SLCO2A1: variants seen among roughly 807,000 people sequenced by gnomAD.
SLCO2A1 encodes the protein solute carrier organic anion transporter family member 2A1, also known as matrin F/G 1.
A neutral mutation model predicts 71.7 loss-of-function variants in SLCO2A1; 60 were observed. The ratio of observed to expected loss-of-function variants is 0.84; its 90% CI spans 0.68 to 1.04. The LOEUF is 1.04. Among genes scored for constraint, SLCO2A1 ranks in the 50% least tolerant of loss-of-function variants. SLCO2A1 has a pLI of 0.00. For synonymous variants in SLCO2A1, 308 were observed against 326.7 expected (o/e 0.94, Z 0.62); for missense variants, 745 against 813.4 (o/e 0.92, Z 1.02).
chr3:133,993,741 C>T (rs1934903332), intron 1 of SLCO2A1, among the ~76,000 whole-genome samples: 1 of 152,170 alleles, frequency 6.6e-6, no homozygotes, highest in Non-Finnish European at 1.5e-5. Flanking sequence ...ACCTGCTTTG[C>T]ATCCATTTAT....
At chr3:134,027,293 C>G (rs1041308664) in intron 1 of SLCO2A1, among the ~76,000 whole-genome samples, 1 of 152,202 alleles carries the variant, frequency 6.6e-6, no homozygotes, top group African/African-American at 2.4e-5. Context: ...CAGCCCGGAG[C>G]CGCACCCTAG....
intron 1 of SLCO2A1, among the ~76,000 whole-genome samples, chr3:133,986,394 A>C (rs978959802): frequency 6.6e-6 from 1 of 152,220 alleles, no homozygotes; most frequent in Non-Finnish European, 1.5e-5. Context: ...TAATCTAAAC[A>C]TCTAGGTTGA....
chr3:134,001,852 G>A (rs1935109263), intron 1 of SLCO2A1, among the ~76,000 whole-genome samples: 1 of 152,136 alleles, frequency 6.6e-6, no homozygotes, highest in South Asian at 2.1e-4. Flanking sequence ...GTGTTTAGAT[G>A]ACAGCAACAA....
At chr3:134,012,329 C>A (rs1450331777) in intron 1 of SLCO2A1, among the ~76,000 whole-genome samples, 1 of 152,138 alleles carries the variant, frequency 6.6e-6, no homozygotes, top group Non-Finnish European at 1.5e-5. Flanking sequence ...AAGCTTCACT[C>A]TGGGGAACAC....
chr3:133,945,116 G>C lies in SLCO2A1; in HGVS notation c.1440C>G (p.Ser480Arg). The change falls in exon 10 of 14, where the codon AGC (serine) becomes AGG (arginine). Residue 480 changes from serine to arginine, a missense_variant. By Grantham distance (110) the Ser-to-Arg change is moderately radical (BLOSUM62 -1). Transcript: ENST00000310926. ...CHAGCSNINM[S>R]SATSKQLIYL... The stretch of plus-strand genomic sequence containing the variant: ...TTACCAGTTGCTTGGAGGTTGCAGA[G>C]CTCATGTTGATGTTGCTGCAGCCGG... 1 of 1,613,728 alleles carries C rather than the reference G, an allele frequency of 6.2e-7. No individual in the cohort carries two copies. Among genetic ancestry groups the C allele is most frequent in the South Asian group, 1.1e-5 (1 of 91,016 alleles).
chr3:133,939,288 T>C (rs902969150), intron 11 of SLCO2A1, among the ~76,000 whole-genome samples: 18 of 152,094 alleles, frequency 1.2e-4, no homozygotes, highest in African/African-American at 4.3e-4. Context: ...GGCCCTGCCA[T>C]CCCAGCTGGG....
chr3:134,013,267 T>G (rs1489660863), intron 1 of SLCO2A1, among the ~76,000 whole-genome samples: 1 of 152,170 alleles, frequency 6.6e-6, no homozygotes, highest in Non-Finnish European at 1.5e-5. Context: ...TAAATCAAAG[T>G]TACAGGAGGA....
chr3:134,001,622 A>G (rs1211727210), intron 1 of SLCO2A1, among the ~76,000 whole-genome samples: 1 of 152,128 alleles, frequency 6.6e-6, no homozygotes, highest in Non-Finnish European at 1.5e-5. Flanking sequence ...AAAGAGGGTG[A>G]GAAACATCTG....
chr3:133,966,456 C>T lies in SLCO2A1; in HGVS notation c.397+7207G>A, dbSNP rs553536420. On this transcript the variant is annotated intron_variant, in intron 3 of 13. Coordinates refer to ENST00000310926, the MANE Select transcript of SLCO2A1 (RefSeq NM_005630.3). ...GACGATGAGAGGGGAGTATGGAGTC[C>T]CCTGCTCACACCTCTCCGCACTGCA... Among the ~76,000 whole-genome samples the T allele has an allele frequency of 2.0e-5, 3 of 152,198 alleles. No individual in the cohort carries two copies. The South Asian group carries it at 6.2e-4, about 32-fold the overall frequency.
intron 3 of SLCO2A1, among the ~76,000 whole-genome samples, chr3:133,963,903 C>G (rs889217363): frequency 6.6e-6 from 1 of 152,232 alleles, no homozygotes; most frequent in Non-Finnish European, 1.5e-5. Context: ...TTGGAACAGA[C>G]TGTCCCAAAC....
intron 1 of SLCO2A1, among the ~76,000 whole-genome samples, chr3:133,983,642 C>T (rs1254461254): frequency 6.6e-6 from 1 of 152,184 alleles, no homozygotes; most frequent in African/African-American, 2.4e-5. Flanking sequence ...GATAACTTCC[C>T]CTGCCCTTCA....
chr3:133,988,848 T>G (rs1934772910), intron 1 of SLCO2A1, among the ~76,000 whole-genome samples: 2 of 151,950 alleles, frequency 1.3e-5, no homozygotes, highest in African/African-American at 2.4e-5. Context: ...GAGAACAGAG[T>G]CTGGAGACAA....
intron 1 of SLCO2A1, among the ~76,000 whole-genome samples, chr3:133,986,495 C>G (rs1235349178): frequency 2.6e-5 from 4 of 152,146 alleles, no homozygotes. Context: ...AGAGGACGAG[C>G]AACATTCTTG....
intron 1 of SLCO2A1, among the ~76,000 whole-genome samples, chr3:133,996,967 C>T (rs376342107): frequency 4.6e-5 from 7 of 152,242 alleles, no homozygotes; most frequent in Middle Eastern, 3.4e-3. Context: ...AGAGAAAGTC[C>T]TCCCTAAGTG....
intron 1 of SLCO2A1, among the ~76,000 whole-genome samples, chr3:133,982,615 T>A (rs1469757705): frequency 6.6e-6 from 1 of 152,090 alleles, no homozygotes; most frequent in East Asian, 1.9e-4. Context: ...ATGTCCCTCC[T>A]CCTCACCCTC....
intron 6 of SLCO2A1, 81 bp from the exon 7 acceptor site, chr3:133,949,052 T>C: frequency 8.1e-7 from 1 of 1,234,878 alleles, no homozygotes; most frequent in South Asian, 1.2e-5. Flanking sequence ...GTCTCTGGCC[T>C]CAGAAGCTCA....
intron 1 of SLCO2A1, among the ~76,000 whole-genome samples, chr3:134,004,966 G>A (rs1332126941): frequency 6.6e-6 from 1 of 152,222 alleles, no homozygotes; most frequent in East Asian, 1.9e-4. Flanking sequence ...CAAATTGGGG[G>A]CTTTCCAGTG....
intron 3 of SLCO2A1, among the ~76,000 whole-genome samples, chr3:133,962,813 G>A (rs1934070889): frequency 6.6e-6 from 1 of 152,172 alleles, no homozygotes; most frequent in African/African-American, 2.4e-5. Context: ...CCTGTAGTAA[G>A]GTCAGGAACA....
intron 1 of SLCO2A1, among the ~76,000 whole-genome samples, 197 bp downstream of exon 1, chr3:134,029,502 ACACACGCT>A (rs1185563789): frequency 6.8e-6 from 1 of 147,656 alleles, no homozygotes; most frequent in African/African-American, 2.6e-5. Context: ...GCACGCACAC[ACACACGCT>A]CACACACACA....
Sources: allele counts gnomAD v4.1 joint callset (sites outside exome capture counted in the v4.1 genomes callset), GRCh38; gene constraint gnomAD v4.1.1; transcripts MANE v1.5; gene names NCBI Gene and HGNC (gene_info 2026-07-23, HGNC 2026-07-21).